MTOR: variants seen among roughly 807,000 people sequenced by gnomAD.
The protein encoded by MTOR is serine/threonine-protein kinase mTOR.
MTOR carries 70 observed loss-of-function variants against 319.8 expected under a neutral mutation model. The ratio of observed to expected loss-of-function variants is 0.22; its 90% CI spans 0.18 to 0.27. MTOR has a LOEUF of 0.27. Ranked by LOEUF, MTOR falls within the 10% of genes least tolerant of loss-of-function variation. The pLI, the probability that MTOR is intolerant of heterozygous loss-of-function variation, is 1.00. For missense variants in MTOR, 1,890 were observed against 3,274.4 expected (o/e 0.58, Z 10.32); for synonymous variants, 1,183 against 1,211.4 (o/e 0.98, Z 0.49).
intron 19 of MTOR, among the ~76,000 whole-genome samples, chr1:11,216,994 C>T (rs1646491526): frequency 6.6e-6 from 1 of 152,118 alleles, no homozygotes; most frequent in Admixed American, 6.5e-5. Context: ...TGTAAATGTA[C>T]CTTTTGTTTA....
chr1:11,228,546 G>C (rs1401572223), intron 19 of MTOR, 122 bp downstream of exon 19: 3 of 1,326,950 alleles, frequency 2.3e-6, no homozygotes, highest in Non-Finnish European at 3.1e-6. Flanking sequence ...GGGAGTTAAG[G>C]GGGAGGAAGG....
chr1:11,138,854 C>T (rs981599576), intron 36 of MTOR: 11 of 154,498 alleles, frequency 7.1e-5, no homozygotes, highest in Admixed American at 5.9e-4. Flanking sequence ...ATAACTTTCC[C>T]TCCTGGTTTC....
chr1:11,133,236 T>C lies in MTOR; in HGVS notation c.5247-39A>G. ...AACAAGCCCCCATGACATTCCCTCC[T>C]CAAAACAGCCCTCCTAAGAGGACCA... On this transcript the variant is annotated intron_variant, in intron 37 of 57. Transcript: ENST00000361445. The surrounding 1 kb of genome is among the most constrained non-coding windows in gnomAD (Gnocchi z 4.0). 6.4e-7 allele frequency: 1 copy of C among 1,557,714 alleles called. No homozygotes were observed. Among genetic ancestry groups the C allele is most frequent in the Non-Finnish European group, 8.9e-7 (1 of 1,128,868 alleles).
At chr1:11,126,556 G>C in intron 46 of MTOR, 66 bp downstream of exon 46, 1 of 1,522,780 alleles carries the variant, frequency 6.6e-7, no homozygotes, top group Non-Finnish European at 8.9e-7. Flanking sequence ...AATTTCAGAA[G>C]AGGGAAGGGG....
intron 28 of MTOR, among the ~76,000 whole-genome samples, chr1:11,177,799 C>CA (rs1449373605): frequency 2.0e-5 from 3 of 151,590 alleles, no homozygotes; most frequent in Non-Finnish European, 1.5e-5. Context: ...GGCGCGTGTG[C>CA]AAAAAAACTC....
chr1:11,139,019 G>C, intron 36 of MTOR: 1 of 357,210 alleles, frequency 2.8e-6, no homozygotes, highest in Admixed American at 4.6e-5. Context: ...CTTCTCTTAG[G>C]GGTAGAAAGT....
At chr1:11,213,955 G>C (rs1407033215) in intron 20 of MTOR, among the ~76,000 whole-genome samples, 1 of 152,184 alleles carries the variant, frequency 6.6e-6, no homozygotes, top group Non-Finnish European at 1.5e-5. Context: ...CTTTGATAGC[G>C]ATAGCAGTTG....
chr1:11,124,330 C>T (rs964071246), intron 47 of MTOR, among the ~76,000 whole-genome samples, 168 bp downstream of exon 47: 3 of 152,166 alleles, frequency 2.0e-5, no homozygotes, highest in Admixed American at 1.3e-4. Flanking sequence ...TCAAGCCATC[C>T]CCCTGCCTCA....
chr1:11,216,490 C>CA (rs1199279061), intron 19 of MTOR, among the ~76,000 whole-genome samples: 73 of 151,516 alleles, frequency 4.8e-4, no homozygotes, highest in African/African-American at 1.7e-3. Context: ...CCTGTCTCTA[C>CA]AAAAAAAATA....
intron 15 of MTOR, chr1:11,232,838 G>A (rs1647066546): frequency 1.9e-5 from 10 of 514,468 alleles, no homozygotes; most frequent in South Asian, 1.2e-4. Context: ...TCACACCACT[G>A]CACTCCAGCC....
At chr1:11,202,708 G>A (rs576255857) in intron 26 of MTOR, among the ~76,000 whole-genome samples, 51 of 152,176 alleles carry the variant, frequency 3.4e-4, no homozygotes, top group African/African-American at 1.2e-3. Flanking sequence ...GAGTCCAGGA[G>A]TTTGAGATCA....
chr1:11,256,677 GGTA>G (rs1650439028), intron 4 of MTOR, among the ~76,000 whole-genome samples: 1 of 152,070 alleles, frequency 6.6e-6, no homozygotes, highest in Non-Finnish European at 1.5e-5. Flanking sequence ...TCCTTTTCCT[GGTA>G]CCGTGCCCCC....
intron 30 of MTOR, among the ~76,000 whole-genome samples, chr1:11,150,785 C>T (rs576129073): frequency 7.9e-5 from 12 of 152,224 alleles, no homozygotes; most frequent in East Asian, 1.9e-4. Flanking sequence ...TGAAGGAGGA[C>T]TATGAGATAT....
Position 11,115,086 on chromosome 1 carries a change from AAAG to A in MTOR, c.7090-202_7090-200del, listed in dbSNP as rs1642094506. ...AAAAAAAAAAGAAACGAACAACAGA[AAAG>A]AAGAGAAAACAAAAAGGAAAAAAGA... On this transcript the variant is annotated intron_variant, in intron 51 of 57. Coordinates refer to ENST00000361445, the MANE Select transcript of MTOR (RefSeq NM_004958.4). The surrounding 1 kb of genome is among the most constrained non-coding windows in gnomAD (Gnocchi z 4.5). Among the ~76,000 whole-genome samples, 1 of 152,104 alleles carries A rather than the reference AAAG, an allele frequency of 6.6e-6. No individual in the cohort carries two copies. Among genetic ancestry groups the A allele is most frequent in the Non-Finnish European group, 1.5e-5 (1 of 68,012 alleles).
chr1:11,172,161 C>G (rs1004151833), intron 28 of MTOR, among the ~76,000 whole-genome samples: 2 of 152,160 alleles, frequency 1.3e-5, no homozygotes, highest in African/African-American at 4.8e-5. Context: ...ACAGGCTGGG[C>G]TCACTGGGGG....
intron 17 of MTOR, 51 bp downstream of exon 17, chr1:11,231,249 T>G: frequency 1.2e-6 from 2 of 1,610,308 alleles, no homozygotes; most frequent in East Asian, 2.2e-5. Flanking sequence ...ATCTCTCTCT[T>G]GCCATCGTCC....
intron 51 of MTOR, 63 bp from the exon 52 acceptor site, chr1:11,114,950 G>A: frequency 2.1e-6 from 3 of 1,460,002 alleles, no homozygotes; most frequent in African/African-American, 1.4e-5. Context: ...GAGCCAGGTG[G>A]AGCAGGTGGC....
intron 28 of MTOR, 23 bp from the exon 29 acceptor site, chr1:11,167,540 T>C: frequency 6.2e-7 from 1 of 1,600,136 alleles, no homozygotes; most frequent in South Asian, 1.1e-5. Context: ...AGGGAAAAGG[T>C]AGTTACACTC....
rs1418695064 is a variant in MTOR, at chr1:11,139,665, C to T, written c.4873-7G>A. 1 of 1,614,194 alleles carries T rather than the reference C, an allele frequency of 6.2e-7. No individual in the cohort carries two copies. The highest frequency in any genetic ancestry group is 8.5e-7 in the Non-Finnish European group (1 of 1,180,030). Reference sequence around the variant, plus strand: ...CTACGATACGCTGGCAGCCCTGGAACATTCAGAAGTGAAGATTAGATATGT... The same window carrying T: ...CTACGATACGCTGGCAGCCCTGGAATATTCAGAAGTGAAGATTAGATATGT... On this transcript the variant is annotated splice_region_variant and splice_polypyrimidine_tract_variant and intron_variant, in intron 34 of 57. Transcript: ENST00000361445.
Sources: gnomAD v4.1 joint callset for allele counts (sites outside exome capture counted in the v4.1 genomes callset) on GRCh38, gnomAD v4.1.1 for gene constraint, Gnocchi (gnomAD v3.1) non-coding constraint, MANE v1.5 for transcripts, NCBI Gene and HGNC (gene_info 2026-07-23, HGNC 2026-07-21) for gene names.